NEDD1: variants seen among roughly 807,000 people sequenced by gnomAD.
NEDD1 encodes the protein protein NEDD1.
In NEDD1, 33 loss-of-function variants were observed where a neutral mutation model predicts 74.0. The ratio of observed to expected loss-of-function variants is 0.45; its 90% CI spans 0.34 to 0.60. The LOEUF (loss-of-function observed/expected upper bound fraction) is 0.60, where lower values mean the gene tolerates loss of function less well. Ranked by LOEUF, NEDD1 falls within the 20% of genes least tolerant of loss-of-function variation. NEDD1 has a pLI of 0.01. For synonymous variants in NEDD1, 250 were observed against 264.4 expected (o/e 0.95, Z 0.53); for missense variants, 746 against 776.5 (o/e 0.96, Z 0.47).
chr12:96,945,556 G>A, intron 13 of NEDD1, 137 bp from the exon 14 acceptor site: 1 of 592,616 alleles, frequency 1.7e-6, no homozygotes, highest in Non-Finnish European at 3.0e-6. Flanking sequence ...ATTCCAGACA[G>A]TGAATTTTTC....
intron 6 of NEDD1, among the ~76,000 whole-genome samples, chr12:96,927,026 T>A (rs1875786682): frequency 6.6e-6 from 1 of 151,826 alleles, no homozygotes; most frequent in African/African-American, 2.4e-5. Flanking sequence ...TATATCATGT[T>A]CATTTAAACA....
intron 9 of NEDD1, among the ~76,000 whole-genome samples, chr12:96,939,123 T>C (rs577940930): frequency 2.8e-4 from 42 of 152,204 alleles, no homozygotes; most frequent in Middle Eastern, 3.4e-3. Context: ...AAGCTTTGTA[T>C]AAAATTAAAG....
intron 10 of NEDD1, 21 bp downstream of exon 10, chr12:96,940,558 C>A: frequency 6.4e-7 from 1 of 1,553,566 alleles, no homozygotes; most frequent in Non-Finnish European, 8.8e-7. Context: ...TCAGAGGATC[C>A]TGTTCTCTTG....
chr12:96,945,086 G>C (rs1878068425), intron 13 of NEDD1, among the ~76,000 whole-genome samples: 2 of 151,884 alleles, frequency 1.3e-5, no homozygotes, highest in Non-Finnish European at 2.9e-5. Context: ...GAAAAGGGTT[G>C]GTTAACTACC....
rs372876408 is a variant in NEDD1 at position 96,919,994 on chromosome 12, G to C, written c.358G>C (p.Asp120His). 3 of 1,605,312 alleles carry C rather than the reference G, an allele frequency of 1.9e-6. No homozygotes were observed. The African/African-American group carries it at 4.0e-5, about 21-fold the overall frequency. The stretch of plus-strand genomic sequence containing the variant: ...CATTTCTCTCTTTCAGGATCATAAA[G>C]ATCAAGTAACTTGTGTAACATACAA... The part of the protein sequence containing the change: ...RVHRSLKDHK[D>H]QVTCVTYNWN... The change falls in exon 6 of 16, where the codon GAT (aspartate) becomes CAT (histidine). Residue 120 changes from aspartate (D) to histidine (H), a missense_variant. Coordinates refer to ENST00000266742, the MANE Select transcript of NEDD1 (RefSeq NM_152905.4).
chr12:96,926,793 C>G (rs1236836594), intron 6 of NEDD1, among the ~76,000 whole-genome samples: 2 of 151,924 alleles, frequency 1.3e-5, no homozygotes, highest in Non-Finnish European at 2.9e-5. Context: ...AGGAGACCAG[C>G]CTGGGCAACA....
At position 96,940,542 on chromosome 12, in the gene NEDD1, G is replaced by A. The variant is rs570112493; in HGVS notation, c.1246+5G>A. ...TGTTCTCACCTATCAGAGATGGTAA[G>A]TCTGTTCAGAGGATCCTGTTCTCTT... On this transcript the variant is annotated splice_donor_5th_base_variant and intron_variant, in intron 10 of 15. Coordinates refer to ENST00000266742, the MANE Select transcript of NEDD1 (RefSeq NM_152905.4). The A allele has an allele frequency of 6.3e-7, 1 of 1,596,220 alleles. No homozygotes were observed. The highest frequency in any genetic ancestry group is 8.6e-7 in the Non-Finnish European group (1 of 1,167,668).
intron 14 of NEDD1, among the ~76,000 whole-genome samples, chr12:96,946,598 G>T (rs1206278577): frequency 6.6e-6 from 1 of 151,998 alleles, no homozygotes; most frequent in African/African-American, 2.4e-5. Context: ...AAGAAAAATT[G>T]TAATTTTGGC....
chr12:96,934,273 T>A (rs1312755823), intron 6 of NEDD1, among the ~76,000 whole-genome samples: 1 of 151,950 alleles, frequency 6.6e-6, no homozygotes, highest in East Asian at 1.9e-4. Context: ...CTTTTATATA[T>A]GGTGGATGTT....
chr12:96,948,072 G>A (rs928502805), intron 14 of NEDD1, among the ~76,000 whole-genome samples: 3 of 152,094 alleles, frequency 2.0e-5, no homozygotes, highest in Non-Finnish European at 4.4e-5. Flanking sequence ...GGACAGAGAG[G>A]GTATTGAGGA....
chr12:96,941,673 A>G (rs1001421312), intron 10 of NEDD1, among the ~76,000 whole-genome samples: 4 of 152,104 alleles, frequency 2.6e-5, no homozygotes, highest in Non-Finnish European at 5.9e-5. Context: ...AGAATGTACA[A>G]AGGGGCTTTT....
chr12:96,936,541 G>A (rs1327619155), intron 7 of NEDD1, 70 bp from the exon 8 acceptor site: 6 of 1,044,158 alleles, frequency 5.7e-6, no homozygotes, highest in Non-Finnish European at 8.9e-6. Flanking sequence ...TTGGTATATA[G>A]TTACTTATAT....
intron 14 of NEDD1, among the ~76,000 whole-genome samples, chr12:96,948,889 C>A (rs1251723072): frequency 6.6e-6 from 1 of 152,294 alleles, no homozygotes. Flanking sequence ...ACTTTCTCTG[C>A]TCTTTAGTTA....
intron 8 of NEDD1, 118 bp from the exon 9 acceptor site, chr12:96,937,080 G>A: frequency 1.7e-6 from 1 of 585,554 alleles, no homozygotes; most frequent in African/African-American, 2.0e-5. Flanking sequence ...CTGCCAGCAA[G>A]CTTAAGATTT....
At position 96,945,835 on chromosome 12, in the gene NEDD1, G is replaced by A. The variant is rs770213277; in HGVS notation, c.1797G>A (p.Thr599=). The change falls in exon 14 of 16, where the codon ACG becomes ACA. Residue 599 remains threonine (T), a synonymous_variant. Transcript: ENST00000266742. The stretch of plus-strand genomic sequence containing the variant: ...TTATTCAGAACATGATACAGGAAAC[G>A]TTGGATGACTTTAGGTAGTAATTGA... ...IRFIQNMIQE[T]LDDFREACHR... 3.7e-6 allele frequency: 6 copies of A among 1,609,500 alleles called. No homozygotes were observed. Among genetic ancestry groups the A allele is most frequent in the Non-Finnish European group, 5.1e-6 (6 of 1,176,242 alleles).
intron 6 of NEDD1, 133 bp from the exon 7 acceptor site, chr12:96,934,843 C>G: frequency 1.5e-6 from 1 of 651,482 alleles, no homozygotes; most frequent in East Asian, 2.7e-5. Context: ...TGGCTGAAAC[C>G]TGTCACTCTT....
intron 3 of NEDD1, among the ~76,000 whole-genome samples, chr12:96,910,794 T>G (rs990180104): frequency 6.6e-6 from 1 of 152,248 alleles, no homozygotes; most frequent in Admixed American, 6.5e-5. Flanking sequence ...ATGTAATTGG[T>G]ATGTTAGAAA....
intron 6 of NEDD1, among the ~76,000 whole-genome samples, chr12:96,932,463 A>AAAAAAAAAAAAAAAATATATATATATAT: frequency 2.1e-4 from 2 of 9,438 alleles, no homozygotes; most frequent in Admixed American, 2.4e-3. Context: ...AAAAAAAAAA[A>AAAAAAAAAAAAAAAATATATATATATAT]ATATATATAT....
chr12:96,944,695 A>G lies in NEDD1; in HGVS notation c.1554A>G (p.Ser518=), dbSNP rs186242918. ...AESGNLNTSP[S]SNQTRNSEKF... ...GTGGAAATCTAAATACCTCTCCATC[A>G]TCTAACCAAACAAGAAATTCTGAGA... The change falls in exon 13 of 16, where the codon TCA becomes TCG. Residue 518 remains serine (S), a synonymous_variant. Coordinates refer to ENST00000266742, the MANE Select transcript of NEDD1 (RefSeq NM_152905.4). 6.9e-6 allele frequency: 11 copies of G among 1,602,566 alleles called. No homozygotes were observed. The Admixed American group carries it at 1.9e-4, about 27-fold the overall frequency.
Sources: gnomAD v4.1 joint callset for allele counts (sites outside exome capture counted in the v4.1 genomes callset) on GRCh38, gnomAD v4.1.1 for gene constraint, MANE v1.5 for transcripts, NCBI Gene and HGNC (gene_info 2026-07-23, HGNC 2026-07-21) for gene names.